Variants in TAB2 observed in about 807,000 individuals in gnomAD.
TAB2 encodes the protein TGF-beta activated kinase 1 (MAP3K7) binding protein 2, also known as TGF-beta-activated kinase 1 and MAP3K7-binding protein 2.
Under a neutral mutation model 65.0 loss-of-function variants are expected in TAB2, and 3 were observed. The ratio of observed to expected loss-of-function variants is 0.05; its 90% CI spans 0.02 to 0.12. TAB2 has a LOEUF of 0.12. Among genes scored for constraint, TAB2 ranks in the 10% least tolerant of loss-of-function variants. The pLI is 1.00. For missense variants in TAB2, 623 were observed against 840.3 expected (o/e 0.74, Z 3.20); for synonymous variants, 298 against 285.1 (o/e 1.05, Z -0.46).
intron 1 of TAB2, among the ~76,000 whole-genome samples, chr6:149,297,105 CTCT>C (rs774971513): frequency 3.3e-5 from 5 of 152,082 alleles, no homozygotes; most frequent in East Asian, 3.9e-4. Context: ...TTCCTTCCCT[CTCT>C]TCTTCTTTTC....
intron 1 of TAB2, among the ~76,000 whole-genome samples, chr6:149,271,254 G>C (rs112668641): frequency 2.6e-5 from 4 of 152,138 alleles, no homozygotes; most frequent in African/African-American, 9.6e-5. Context: ...TGACCTGACT[G>C]TGTTTGGAAA....
At chr6:149,363,362 G>C (rs1463966515) in intron 1 of TAB2, among the ~76,000 whole-genome samples, 1 of 152,146 alleles carries the variant, frequency 6.6e-6, no homozygotes, top group Non-Finnish European at 1.5e-5. Flanking sequence ...TGGAGAAACA[G>C]CTCAGTCTTG....
At chr6:149,395,330 C>T (rs2114935543) in intron 3 of TAB2, among the ~76,000 whole-genome samples, 1 of 152,290 alleles carries the variant, frequency 6.6e-6, no homozygotes. Context: ...ATTGTGATTT[C>T]TAGTATATTT....
intron 3 of TAB2, among the ~76,000 whole-genome samples, chr6:149,393,714 T>G (rs2114931853): frequency 6.6e-6 from 1 of 152,342 alleles, no homozygotes; most frequent in South Asian, 2.1e-4. Context: ...GTATACTTTA[T>G]GATGTATTTG....
At chr6:149,323,226 G>A (rs1779508261) in intron 1 of TAB2, among the ~76,000 whole-genome samples, 1 of 152,066 alleles carries the variant, frequency 6.6e-6, no homozygotes, top group East Asian at 1.9e-4. Context: ...TCTCTTAAAT[G>A]CTATTTTGTG....
intron 1 of TAB2, among the ~76,000 whole-genome samples, chr6:149,335,296 T>C (rs984243368): frequency 1.3e-5 from 2 of 151,288 alleles, no homozygotes; most frequent in African/African-American, 4.9e-5. Context: ...AAAGTTTATA[T>C]ATAGATATGT....
intron 1 of TAB2, among the ~76,000 whole-genome samples, chr6:149,267,567 C>T (rs1778286683): frequency 6.6e-6 from 1 of 152,078 alleles, no homozygotes; most frequent in Admixed American, 6.5e-5. Flanking sequence ...GCAATATCAC[C>T]TACATCAAAA....
At chr6:149,317,271 C>T (rs1779278622), upstream of TAB2, among the ~76,000 whole-genome samples, 2 of 151,892 alleles carry the variant, frequency 1.3e-5, no homozygotes, top group Non-Finnish European at 2.9e-5. The surrounding 1 kb of genome is among the most constrained non-coding windows in gnomAD (Gnocchi z 4.7). Flanking sequence ...CCAGCCCTCC[C>T]CGGGCTGCCC....
chr6:149,346,883 A>G (rs1253331268), intron 1 of TAB2, among the ~76,000 whole-genome samples: 2 of 152,178 alleles, frequency 1.3e-5, no homozygotes, highest in African/African-American at 4.8e-5. Flanking sequence ...TTGGTGTAAG[A>G]TGAAAATTGG....
rs146101219 is a variant in TAB2, at chr6:149,387,857, T to C, written c.1603+8339T>C. On this transcript the variant is annotated intron_variant, in intron 3 of 6. Coordinates refer to ENST00000637181, the MANE Select transcript of TAB2 (RefSeq NM_001292034.3). ...ATTCCATGTCAGCAGGATCTGCTTT[T>C]TAAGAAATGGCTGCATAGTATTGTG... Among the ~76,000 whole-genome samples, 690 of 152,322 alleles carry C rather than the reference T, an allele frequency of 4.5e-3. 4 individuals are homozygous for C. Among genetic ancestry groups the C allele is most frequent in the African/African-American group, 0.016 (668 of 41,578 alleles).
At chr6:149,253,990 GA>G (rs1777928630) in intron 1 of TAB2, among the ~76,000 whole-genome samples, 1 of 138,312 alleles carries the variant, frequency 7.2e-6, no homozygotes, top group South Asian at 2.3e-4. Flanking sequence ...AAGAAAGAAA[GA>G]AAGAAAGAAA....
At chr6:149,404,677 G>A (rs1166965684) in intron 6 of TAB2, among the ~76,000 whole-genome samples, 1 of 152,146 alleles carries the variant, frequency 6.6e-6, no homozygotes, top group East Asian at 1.9e-4. Flanking sequence ...AACACAATGG[G>A]GAAAGGGTAG....
In TAB2 at chr6:149,378,324, T is replaced by G. The variant is rs1422217420; in HGVS notation, c.409T>G (p.Phe137Val). 3.7e-6 allele frequency: 6 copies of G among 1,614,222 alleles called. No homozygotes were observed. In the South Asian group the frequency reaches 6.6e-5, roughly 18 times the overall value. The change falls in exon 3 of 7, where the codon TTT becomes GTT. Residue 137 changes from phenylalanine (F) to valine (V), a missense_variant. Transcript: ENST00000637181. ...AGCACCAGCTCAAGTTCCTCAAGGC[T>G]TTAATGTTTTTGGAATGTCCAGTTC... ...QTAPAQVPQG[F>V]NVFGMSSSSG...
chr6:149,238,968 C>G (rs947153305), intron 1 of TAB2, among the ~76,000 whole-genome samples: 1 of 152,150 alleles, frequency 6.6e-6, no homozygotes, highest in African/African-American at 2.4e-5. Flanking sequence ...GTAAAACTCA[C>G]ATTTATCATA....
chr6:149,400,594 G>A (rs768120778), intron 6 of TAB2: 60 of 1,614,140 alleles, frequency 3.7e-5, no homozygotes, highest in Non-Finnish European at 4.9e-5. Flanking sequence ...CAACCAATCA[G>A]TGGAACAGAC....
intron 1 of TAB2, among the ~76,000 whole-genome samples, chr6:149,341,208 C>A (rs1431372930): frequency 6.6e-6 from 1 of 152,010 alleles, no homozygotes; most frequent in Non-Finnish European, 1.5e-5. Context: ...ACTACTAATT[C>A]TTTTTATATC....
chr6:149,275,300 G>GAAAGAAAGAAAGAAAGAAAGAAAAAA (rs1223068467), intron 1 of TAB2, among the ~76,000 whole-genome samples: 2 of 128,400 alleles, frequency 1.6e-5, no homozygotes, highest in East Asian at 2.4e-4. Context: ...AAGAAAGAAA[G>GAAAGAAAGAAAGAAAGAAAGAAAAAA]AGAAAAAAGA....
intron 1 of TAB2, among the ~76,000 whole-genome samples, chr6:149,269,890 G>A (rs1326246484): frequency 6.6e-6 from 1 of 152,170 alleles, no homozygotes; most frequent in Non-Finnish European, 1.5e-5. Context: ...TACAAACGAA[G>A]TCAATATAAA....
upstream of TAB2, among the ~76,000 whole-genome samples, chr6:149,314,116 C>T (rs1779209484): frequency 6.6e-6 from 1 of 152,176 alleles, no homozygotes; most frequent in Non-Finnish European, 1.5e-5. Context: ...TCAAATTCTT[C>T]ATTACTTAAG....
Sources: gnomAD v4.1 joint callset for allele counts (sites outside exome capture counted in the v4.1 genomes callset) on GRCh38, gnomAD v4.1.1 for gene constraint, Gnocchi (gnomAD v3.1) non-coding constraint, MANE v1.5 for transcripts, NCBI Gene and HGNC (gene_info 2026-07-23, HGNC 2026-07-21) for gene names.